Variants in LRTM1 observed in about 807,000 individuals in gnomAD.
LRTM1 encodes the protein leucine rich repeat transmembrane protein 1, also known as leucine-rich repeat and transmembrane domain-containing protein 1.
A neutral mutation model predicts 32.4 loss-of-function variants in LRTM1; 38 were observed. The observed-to-expected ratio is 1.17, with a 90% CI of 0.91 to 1.54. LRTM1 has a LOEUF of 1.54. Ranked by LOEUF, LRTM1 falls within the 40% of genes most tolerant of loss-of-function variation. LRTM1 has a pLI of 0.00. For synonymous variants in LRTM1, 186 were observed against 169.9 expected (o/e 1.09, Z -0.74); for missense variants, 466 against 415.4 (o/e 1.12, Z -1.06).
chr3:54,957,877 T>A (rs111366240), intron 1 of LRTM1, among the ~76,000 whole-genome samples: 4 of 152,320 alleles, frequency 2.6e-5, no homozygotes, highest in African/African-American at 9.6e-5. Flanking sequence ...ACAAATCTAT[T>A]TGTGTCTCAC....
intron 2 of LRTM1, among the ~76,000 whole-genome samples, chr3:54,920,127 C>T (rs1235536337): frequency 6.6e-6 from 1 of 152,198 alleles, no homozygotes; most frequent in African/African-American, 2.4e-5. Flanking sequence ...TTAGTACACA[C>T]AGTAAGTGAA....
At chr3:54,957,599 G>A (rs1701931836) in intron 1 of LRTM1, among the ~76,000 whole-genome samples, 1 of 152,200 alleles carries the variant, frequency 6.6e-6, no homozygotes, top group African/African-American at 2.4e-5. Context: ...GGTCTGGTGT[G>A]TGTGTTAGGG....
intron 1 of LRTM1, among the ~76,000 whole-genome samples, chr3:54,965,744 A>G (rs1007825775): frequency 3.3e-5 from 5 of 152,204 alleles, no homozygotes; most frequent in Admixed American, 2.0e-4. Flanking sequence ...GTTACTGGAA[A>G]GGGGATGAGG....
chr3:54,938,060 C>T (rs542388538), intron 1 of LRTM1, among the ~76,000 whole-genome samples: 16 of 152,324 alleles, frequency 1.1e-4, no homozygotes, highest in South Asian at 2.1e-4. Flanking sequence ...TCCCCGTACA[C>T]GTTTCTCAGA....
chr3:54,956,955 T>G (rs1701913164), intron 1 of LRTM1, among the ~76,000 whole-genome samples: 1 of 152,120 alleles, frequency 6.6e-6, no homozygotes, highest in Admixed American at 6.5e-5. Context: ...AGTAGGAGAC[T>G]TGAGGCCCAT....
At position 54,936,955 on chromosome 3, in the gene LRTM1, T is replaced by C. The variant is rs1198258171; in HGVS notation, c.-221-11740A>G. Among the ~76,000 whole-genome samples, 3 of 152,180 alleles carry C rather than the reference T, an allele frequency of 2.0e-5. No individual in the cohort carries two copies. The South Asian group carries it at 6.2e-4, about 32-fold the overall frequency. ...GCTGATGTTTATAAGTTCCTATCCA[T>C]GGCCTCCAGTTGCTCCCACCATGAA... On this transcript the variant is annotated intron_variant, in intron 1 of 2. Transcript: ENST00000493075.
intron 2 of LRTM1, among the ~76,000 whole-genome samples, chr3:54,920,165 G>A (rs1460146208): frequency 4.6e-5 from 7 of 152,220 alleles, no homozygotes; most frequent in Admixed American, 4.6e-4. Context: ...AAAGACATAT[G>A]TAGAGGGCAT....
intron 2 of LRTM1, among the ~76,000 whole-genome samples, chr3:54,921,832 T>A (rs2106932358): frequency 6.6e-6 from 1 of 152,344 alleles, no homozygotes; most frequent in South Asian, 2.1e-4. Flanking sequence ...TTTTATTGCA[T>A]ATATAACTAA....
chr3:54,964,854 A>G (rs1451054594), intron 1 of LRTM1, among the ~76,000 whole-genome samples: 1 of 151,620 alleles, frequency 6.6e-6, no homozygotes, highest in African/African-American at 2.4e-5. Context: ...TGCACTTTAA[A>G]TCATTTTCAC....
upstream of LRTM1, among the ~76,000 whole-genome samples, chr3:54,930,534 A>G (rs544067370): frequency 3.9e-5 from 6 of 152,346 alleles, no homozygotes; most frequent in Admixed American, 2.6e-4. Flanking sequence ...AAAATGATCA[A>G]TCTATTGACA....
At chr3:54,966,204 T>G (rs1304392858) in intron 1 of LRTM1, among the ~76,000 whole-genome samples, 1 of 152,016 alleles carries the variant, frequency 6.6e-6, no homozygotes, top group East Asian at 1.9e-4. Flanking sequence ...CCAGGACAGC[T>G]CTGGGCTGTT....
chr3:54,936,950 A>G (rs933921721), intron 1 of LRTM1, among the ~76,000 whole-genome samples: 2 of 152,148 alleles, frequency 1.3e-5, no homozygotes, highest in Admixed American at 6.6e-5. Context: ...ATAAGTTCCT[A>G]TCCATGGCCT....
upstream of LRTM1, among the ~76,000 whole-genome samples, chr3:54,929,148 A>G (rs144902710): frequency 1.3e-5 from 2 of 152,252 alleles, no homozygotes; most frequent in East Asian, 3.9e-4. Context: ...TGGCTCCACC[A>G]TCACCAGCTG....
chr3:54,944,098 C>T (rs1244989920), intron 1 of LRTM1, among the ~76,000 whole-genome samples: 2 of 152,112 alleles, frequency 1.3e-5, no homozygotes, highest in African/African-American at 2.4e-5. Flanking sequence ...TTTAGGAAGT[C>T]TGATATCATA....
chr3:54,938,649 T>C (rs73845062), intron 1 of LRTM1, among the ~76,000 whole-genome samples: 1 of 151,638 alleles, frequency 6.6e-6, no homozygotes, highest in African/African-American at 2.4e-5. Context: ...CATCTTGATA[T>C]AGACTCAGTG....
intron 1 of LRTM1, among the ~76,000 whole-genome samples, chr3:54,943,851 C>G (rs1009972263): frequency 2.0e-5 from 3 of 152,178 alleles, no homozygotes. Context: ...TCATCTCCCC[C>G]TTTCTCCTAA....
chr3:54,940,889 T>C (rs76600938), intron 1 of LRTM1, among the ~76,000 whole-genome samples: 2,162 of 152,314 alleles, frequency 0.014, 51 homozygotes, highest in African/African-American at 0.048. Flanking sequence ...GGTATCTGTA[T>C]GTTTGCATCT....
chr3:54,947,502 G>A (rs539386666), intron 1 of LRTM1, among the ~76,000 whole-genome samples: 4 of 152,264 alleles, frequency 2.6e-5, no homozygotes, highest in African/African-American at 9.6e-5. Flanking sequence ...CTGTGTACCT[G>A]CAGGAGAACC....
At chr3:54,922,291 G>C (rs1700874317) in intron 2 of LRTM1, among the ~76,000 whole-genome samples, 1 of 151,484 alleles carries the variant, frequency 6.6e-6, no homozygotes, top group Non-Finnish European at 1.5e-5. Flanking sequence ...TCCCATCCCA[G>C]GTTGCTTCCA....
Sources: allele counts gnomAD v4.1 joint callset (sites outside exome capture counted in the v4.1 genomes callset), GRCh38; gene constraint gnomAD v4.1.1; transcripts MANE v1.5; gene names NCBI Gene and HGNC (gene_info 2026-07-23, HGNC 2026-07-21).